SYP: variants seen among roughly 807,000 people sequenced by gnomAD.
SYP encodes synaptophysin.
Under a neutral mutation model 24.3 loss-of-function variants are expected in SYP, and 2 were observed. That is an observed-to-expected ratio of 0.08 (90% CI 0.03 to 0.26). The LOEUF is 0.26. Among genes scored for constraint, SYP ranks in the 10% least tolerant of loss-of-function variants. SYP has a pLI of 1.00. For missense variants in SYP, 216 were observed against 266.3 expected, an observed-to-expected ratio of 0.81 and a Z score of 1.32; for synonymous variants, 143 against 123.2, an observed-to-expected ratio of 1.16 and a Z score of -1.07.
intron 6 of SYP, 53 bp downstream of exon 6, chrX:49,191,380 G>A (rs782438517): frequency 2.5e-4 from 297 of 1,166,596 alleles, no homozygotes; most frequent in Non-Finnish European, 3.1e-4. Context: ...TCACTGACCC[G>A]CTCGTCTCCT....
chrX:49,194,953 C>T (rs1249276624), intron 3 of SYP, among the ~76,000 whole-genome samples: 3 of 111,166 alleles, frequency 2.7e-5, no homozygotes, highest in African/African-American at 6.5e-5. Context: ...GTGATCTGCC[C>T]GCCTTGGCCT....
chrX:49,188,962 T>C lies in SYP; in HGVS notation c.*325A>G, dbSNP rs995227266. 1.8e-5 allele frequency: 2 copies of C among 109,333 alleles called. No individual in the cohort carries two copies. Among genetic ancestry groups the C allele is most frequent in the Non-Finnish European group, 3.8e-5 (2 of 52,437 alleles). The allele number at this position is 109,333 out of a possible 1,213,427, so 9.0% of individuals were successfully genotyped here. Reference sequence around the variant, plus strand: ...ACCCTCCCCACACAGCCGAGGTCTGTTCCCTCCCTGTCCTCCTTTTAGATC... The same window carrying C: ...ACCCTCCCCACACAGCCGAGGTCTGCTCCCTCCCTGTCCTCCTTTTAGATC... On this transcript the variant is annotated 3_prime_UTR_variant, in exon 7 of 7. Coordinates refer to ENST00000263233, the MANE Select transcript of SYP (RefSeq NM_003179.3).
intron 1 of SYP, 28 bp downstream of exon 1, chrX:49,200,123 G>C: frequency 8.6e-7 from 1 of 1,164,595 alleles, no homozygotes; most frequent in African/African-American, 1.8e-5. Context: ...GCGGCGGCGG[G>C]CTCTGTCCAC....
rs150959416 is a variant in SYP at position 49,193,336 on chromosome X, C to A, written c.551G>T (p.Arg184Leu). The stretch of plus-strand genomic sequence containing the variant: ...CTCCTTGCATGTGTTCCCTGTCTGG[C>A]GGCAGACAGGCATCTCCTTGATAAT... ...ENIIKEMPVC[R>L]QTGNTCKELR... The change falls in exon 5 of 7, where the codon CGC (arginine) becomes CTC (leucine). Residue 184 changes from arginine (R) to leucine (L), a missense_variant. Physicochemically the swap from Arg to Leu is moderately radical, Grantham distance 102. Around this residue, in one of 2 missense-constraint regions of SYP, gnomAD observed 102 missense variants for 158.4 expected, o/e 0.64. Transcript: ENST00000263233. 1 of 1,210,850 alleles carries A rather than the reference C, an allele frequency of 8.3e-7. No homozygotes were observed. The highest frequency in any genetic ancestry group is 3.0e-5 in the East Asian group (1 of 33,806).
At chrX:49,191,811 C>T (rs781791279) in intron 5 of SYP, 48 bp from the exon 6 acceptor site, 6 of 1,149,119 alleles carry the variant, frequency 5.2e-6, no homozygotes, top group South Asian at 3.8e-5. Context: ...ATTGCCTTGG[C>T]GGCCCTGCGT....
At chrX:49,200,055 A>AC in intron 1 of SYP, 96 bp downstream of exon 1, 2 of 1,072,037 alleles carry the variant, frequency 1.9e-6, no homozygotes, top group South Asian at 4.0e-5. Context: ...CCGCTGCCAG[A>AC]CCCTGGCCAC....
intron 6 of SYP, among the ~76,000 whole-genome samples, chrX:49,189,676 A>G (rs1557102422): frequency 9.0e-6 from 1 of 111,121 alleles, no homozygotes; most frequent in Non-Finnish European, 1.9e-5. Flanking sequence ...TGAAATGGAA[A>G]AAATAAAGTG....
At chrX:49,198,822 A>T in intron 2 of SYP, 146 bp downstream of exon 2, 1 of 662,555 alleles carries the variant, frequency 1.5e-6, no homozygotes, top group Non-Finnish European at 2.4e-6. Flanking sequence ...GACCCCTGAA[A>T]CCTCACCCTG....
At chrX:49,194,403 C>T (rs977571170) in intron 3 of SYP, 42 bp from the exon 4 acceptor site, 1 of 1,167,468 alleles carries the variant, frequency 8.6e-7, no homozygotes, top group Non-Finnish European at 1.2e-6. Context: ...CCCCTCAGAA[C>T]ACCCTCAACC....
intron 6 of SYP, among the ~76,000 whole-genome samples, chrX:49,189,525 T>C (rs886845974): frequency 1.8e-5 from 2 of 111,515 alleles, no homozygotes; most frequent in Admixed American, 9.6e-5. Context: ...GGTACTGTTC[T>C]AGCCATTTGT....
intron 6 of SYP, among the ~76,000 whole-genome samples, chrX:49,189,793 A>G (rs782571363): frequency 4.8e-4 from 54 of 111,588 alleles, no homozygotes; most frequent in African/African-American, 1.7e-3. Flanking sequence ...AAGTGCTAGG[A>G]TTACAGGCGT....
At chrX:49,199,986 C>T (rs1157405259) in intron 1 of SYP, among the ~76,000 whole-genome samples, 165 bp downstream of exon 1, 7 of 111,574 alleles carry the variant, frequency 6.3e-5, no homozygotes, top group Non-Finnish European at 1.1e-4. Flanking sequence ...TTCTCCACCT[C>T]CCCCTTCCTC....
At chrX:49,190,231 G>A (rs1302765709) in intron 6 of SYP, among the ~76,000 whole-genome samples, 1 of 108,353 alleles carries the variant, frequency 9.2e-6, no homozygotes, top group Non-Finnish European at 1.9e-5. Flanking sequence ...CCAGGCTGGA[G>A]TGCAGTGGCG....
At chrX:49,198,622 C>T in intron 2 of SYP, 1 of 268,480 alleles carries the variant, frequency 3.7e-6, no homozygotes, top group South Asian at 9.2e-5. Context: ...GTCCCTCATT[C>T]TCTCTGTCAC....
Position 49,191,248 on chromosome X carries a change from T to A in SYP, c.*4+185A>T, listed in dbSNP as rs1374716093. On this transcript the variant is annotated intron_variant, in intron 6 of 6. Transcript: ENST00000263233. ...GAAGCACCATTCTTCTTTTCTCCAT[T>A]CATTAGCTAGTTTTTCAGCTCTTAG... 8.1e-6 allele frequency: 4 copies of A among 496,111 alleles called. No individual in the cohort carries two copies. In the African/African-American group the frequency reaches 9.4e-5, roughly 12 times the overall value. The allele number at this position is 496,111 out of a possible 1,213,427, so 40.9% of individuals were successfully genotyped here.
At chrX:49,196,905 C>T (rs1243372778) in intron 3 of SYP, 1 of 112,217 alleles carries the variant, frequency 8.9e-6, no homozygotes, top group Non-Finnish European at 1.9e-5. Flanking sequence ...TAAAACCCTA[C>T]ATGAGGATCT....
intron 6 of SYP, chrX:49,191,122 A>C: frequency 1.1e-5 from 4 of 360,512 alleles, no homozygotes; most frequent in Non-Finnish European, 2.0e-5. Flanking sequence ...AAGTCCCCCG[A>C]TATTCCCTCC....
In SYP at chrX:49,197,898, G is replaced by A. The variant is rs1409661088; in HGVS notation, c.103-59C>T. ...ACCTGTGTGCATGTGGGAGGGAGGTGCCCTCCTCTGGACAGATCGGGGGCC... is the reference window on the plus strand; with the variant it reads ...ACCTGTGTGCATGTGGGAGGGAGGTACCCTCCTCTGGACAGATCGGGGGCC... On this transcript the variant is annotated intron_variant, in intron 2 of 6. Coordinates refer to ENST00000263233, the MANE Select transcript of SYP (RefSeq NM_003179.3). The A allele has an allele frequency of 7.5e-6, 9 of 1,194,096 alleles. No homozygotes were observed. In the Admixed American group the frequency reaches 2.0e-4, roughly 27 times the overall value.
intron 6 of SYP, among the ~76,000 whole-genome samples, chrX:49,189,708 C>T (rs1557102432): frequency 9.0e-6 from 1 of 110,949 alleles, no homozygotes; most frequent in Non-Finnish European, 1.9e-5. Flanking sequence ...GTCGCTCACA[C>T]TTATAGTCTC....
Sources: gnomAD v4.1 joint callset for allele counts (sites outside exome capture counted in the v4.1 genomes callset) on GRCh38, gnomAD v4.1.1 for gene constraint, gnomAD v4.1.1 regional missense constraint, MANE v1.5 for transcripts, NCBI Gene and HGNC (gene_info 2026-07-23, HGNC 2026-07-21) for gene names.